HDAC4: variants seen among roughly 807,000 people sequenced by gnomAD.
HDAC4 encodes histone deacetylase 4, also known as histone deacetylase A.
In HDAC4, 16 loss-of-function variants were observed where a neutral mutation model predicts 135.1. The observed-to-expected ratio is 0.12, with a 90% CI of 0.08 to 0.18. The LOEUF (loss-of-function observed/expected upper bound fraction) is 0.18, where lower values mean the gene tolerates loss of function less well. Among genes scored for constraint, HDAC4 ranks in the 10% least tolerant of loss-of-function variants. The pLI is 1.00. For synonymous variants in HDAC4, 685 were observed against 653.4 expected (o/e 1.05, Z -0.74); for missense variants, 1,143 against 1,511.8 (o/e 0.76, Z 4.05).
At chr2:239,236,688 C>T in intron 2 of HDAC4, 24 bp from the exon 3 acceptor site, 1 of 1,536,466 alleles carries the variant, frequency 6.5e-7, no homozygotes, top group Non-Finnish European at 8.8e-7. Flanking sequence ...AAGGCACTGG[C>T]TTCAGAAACT....
chr2:239,356,771 A>G (rs1417022707), intron 1 of HDAC4, among the ~76,000 whole-genome samples: 1 of 152,242 alleles, frequency 6.6e-6, no homozygotes, highest in Non-Finnish European at 1.5e-5. Flanking sequence ...CAGTGTGCAT[A>G]GGTATTCACT....
chr2:239,267,283 T>C (rs1452628125), intron 2 of HDAC4, among the ~76,000 whole-genome samples: 4 of 152,182 alleles, frequency 2.6e-5, no homozygotes, highest in African/African-American at 9.7e-5. Context: ...TCCGTGACCA[T>C]GGACACGCAT....
chr2:239,370,362 C>G (rs1171743287), intron 1 of HDAC4, among the ~76,000 whole-genome samples: 1 of 152,140 alleles, frequency 6.6e-6, no homozygotes, highest in East Asian at 1.9e-4. Context: ...AGAGTAAAAG[C>G]AGGTATGGTT....
intron 2 of HDAC4, among the ~76,000 whole-genome samples, chr2:239,304,196 A>G (rs544754284): frequency 1.3e-5 from 2 of 152,108 alleles, no homozygotes; most frequent in African/African-American, 4.8e-5. Flanking sequence ...TGCCTCAAGC[A>G]GTGTGAGCTC....
At chr2:239,359,173 T>C (rs1349290899) in intron 1 of HDAC4, among the ~76,000 whole-genome samples, 1 of 152,210 alleles carries the variant, frequency 6.6e-6, no homozygotes, top group Non-Finnish European at 1.5e-5. Flanking sequence ...ACTTCAAACA[T>C]ATACAGAGTA....
Position 239,176,432 on chromosome 2 carries a change from G to C in HDAC4, c.471C>G (p.Asn157Lys). The C allele has an allele frequency of 6.2e-7, 1 of 1,612,774 alleles. No homozygotes were observed. Among genetic ancestry groups the C allele is most frequent in the Non-Finnish European group, 8.5e-7 (1 of 1,179,784 alleles). ...ACTCACTCTCTTTGCCCTTCTCCTT[G>C]TTCTTGAGCTGCTGCAGCTTCTGCT... ...HREQKLQQLK[N>K]KEKGKESAVA... Residue 157 changes from asparagine (N) to lysine (K), a missense_variant, in exon 5 of 27, where the codon AAC (asparagine) becomes AAG (lysine). Physicochemically the swap from Asn to Lys is moderately conservative, Grantham distance 94 (BLOSUM62 0). Around this residue, in one of 9 missense-constraint regions of HDAC4, gnomAD observed 247 missense variants for 310.0 expected, o/e 0.80. Transcript: ENST00000543185.
intron 4 of HDAC4, among the ~76,000 whole-genome samples, chr2:239,184,301 G>A (rs1324356660): frequency 6.6e-6 from 1 of 151,318 alleles, no homozygotes; most frequent in Non-Finnish European, 1.5e-5. Flanking sequence ...GTCCCTAAGT[G>A]TCTGTCCTGG....
intron 9 of HDAC4, among the ~76,000 whole-genome samples, chr2:239,136,029 G>A (rs1329711234): frequency 6.6e-6 from 1 of 152,144 alleles, no homozygotes; most frequent in African/African-American, 2.4e-5. Flanking sequence ...TAGAATGAAC[G>A]TGTTTTGCTA....
intron 2 of HDAC4, among the ~76,000 whole-genome samples, chr2:239,338,397 A>C (rs890149790): frequency 5.9e-5 from 9 of 152,070 alleles, no homozygotes; most frequent in African/African-American, 2.2e-4. Flanking sequence ...TCCCTATTAC[A>C]GGAGGCCTTG....
intron 12 of HDAC4, among the ~76,000 whole-genome samples, chr2:239,118,523 C>G (rs1018120008): frequency 6.6e-6 from 1 of 152,132 alleles, no homozygotes; most frequent in African/African-American, 2.4e-5. Flanking sequence ...GTGCTGTCCA[C>G]GGGTGAGCGT....
intron 6 of HDAC4, among the ~76,000 whole-genome samples, chr2:239,161,303 T>C (rs1307579393): frequency 6.6e-6 from 1 of 152,192 alleles, no homozygotes. Flanking sequence ...TGTGGAAATA[T>C]CATGTTTTGG....
intron 3 of HDAC4, among the ~76,000 whole-genome samples, chr2:239,195,141 T>C (rs1436479110): frequency 6.6e-6 from 1 of 152,118 alleles, no homozygotes; most frequent in Non-Finnish European, 1.5e-5. Flanking sequence ...CTGTCGCTGT[T>C]CTCACTACGG....
intron 6 of HDAC4, 131 bp from the exon 7 acceptor site, chr2:239,156,904 C>G: frequency 9.7e-7 from 1 of 1,033,302 alleles, no homozygotes; most frequent in East Asian, 2.5e-5. Flanking sequence ...ACACCTTTTC[C>G]CTAGGGTCAA....
chr2:239,222,684 G>C (rs766065517), intron 3 of HDAC4, among the ~76,000 whole-genome samples: 4 of 152,260 alleles, frequency 2.6e-5, no homozygotes, highest in Non-Finnish European at 4.4e-5. Context: ...AGCATTCCTG[G>C]AAAATCTTTC....
chr2:239,271,281 T>A (rs983425048), intron 2 of HDAC4, among the ~76,000 whole-genome samples: 1 of 152,132 alleles, frequency 6.6e-6, no homozygotes, highest in Non-Finnish European at 1.5e-5. Flanking sequence ...GCCTGGCTAA[T>A]TTTTATACTT....
intron 15 of HDAC4, among the ~76,000 whole-genome samples, chr2:239,107,296 G>C (rs749189520): frequency 6.6e-6 from 1 of 152,256 alleles, no homozygotes; most frequent in Non-Finnish European, 1.5e-5. Context: ...ACTGCAGCCA[G>C]ATTCGGGGCA....
chr2:239,271,289 C>T (rs908461583), intron 2 of HDAC4, among the ~76,000 whole-genome samples: 1 of 152,040 alleles, frequency 6.6e-6, no homozygotes, highest in African/African-American at 2.4e-5. Flanking sequence ...AATTTTTATA[C>T]TTTTAGTAGA....
At position 239,054,640 on chromosome 2, in the gene HDAC4, C is replaced by T. The variant is rs61090492; in HGVS notation, c.3088+109G>A. ...TCTGCTGCAGGCCTGGGGAAGCAGC[C>T]GGCAGTGGGATGGAGAAGAGCTGGG... On this transcript the variant is annotated intron_variant, in intron 25 of 26. Transcript: ENST00000543185. The T allele has an allele frequency of 3.2e-3, 2,477 of 786,324 alleles. 30 individuals are homozygous for T. Among genetic ancestry groups the T allele is most frequent in the South Asian group, 0.014 (1,040 of 73,840 alleles). The allele number at this position is 786,324 out of a possible 1,614,324, so 48.7% of individuals were successfully genotyped here. A position where few individuals can be genotyped will look rare whatever the true frequency, so the allele number is the denominator to read the frequency against.
At chr2:239,089,932 A>T in intron 18 of HDAC4, 77 bp downstream of exon 18, 1 of 1,035,050 alleles carries the variant, frequency 9.7e-7, no homozygotes, top group Non-Finnish European at 1.5e-6. Flanking sequence ...AGGGAGACGG[A>T]GTGGGCGGCC....
Sources: gnomAD v4.1 joint callset for allele counts (sites outside exome capture counted in the v4.1 genomes callset) on GRCh38, gnomAD v4.1.1 for gene constraint, gnomAD v4.1.1 regional missense constraint, MANE v1.5 for transcripts, NCBI Gene and HGNC (gene_info 2026-07-23, HGNC 2026-07-21) for gene names.